The following DOCK2 variants were observed in gnomAD, a reference collection of about 807,000 sequenced individuals.
DOCK2 encodes dedicator of cytokinesis 2, also known as dedicator of cytokinesis protein 2.
Under a neutral mutation model 248.9 loss-of-function variants are expected in DOCK2, and 87 were observed. The ratio of observed to expected loss-of-function variants is 0.35; its 90% confidence interval spans 0.29 to 0.42. The LOEUF is 0.42. Among genes scored for constraint, DOCK2 ranks in the 10% least tolerant of loss-of-function variants. DOCK2 has a pLI of 1.00. For synonymous variants in DOCK2, 805 were observed against 821.6 expected, an observed-to-expected ratio of 0.98 and a Z score of 0.35; for missense variants, 1,747 against 2,300.2, an observed-to-expected ratio of 0.76 and a Z score of 4.92.
intron 27 of DOCK2, among the ~76,000 whole-genome samples, chr5:169,850,478 C>T (rs188698271): frequency 6.6e-6 from 1 of 151,838 alleles, no homozygotes; most frequent in Admixed American, 6.6e-5. Context: ...TATATGTGTA[C>T]CTGTTTGTGT....
intron 33 of DOCK2, among the ~76,000 whole-genome samples, chr5:170,022,832 G>C (rs1204235834): frequency 6.6e-6 from 1 of 152,154 alleles, no homozygotes; most frequent in Non-Finnish European, 1.5e-5. Context: ...AGATGCACGT[G>C]GTGGGCACAA....
rs981220389 is a variant in DOCK2, at chr5:169,637,299, C to A, written c.-28C>A. Reference sequence around the variant, plus strand: ...CAGCCACCCCCTGACGGCTTCCCCACGGGAGGACGCGAGGCCCCGGCCCAG... The same window carrying A: ...CAGCCACCCCCTGACGGCTTCCCCAAGGGAGGACGCGAGGCCCCGGCCCAG... On this transcript the variant is annotated 5_prime_UTR_variant, in exon 1 of 52. Coordinates refer to ENST00000520908, the MANE Select transcript of DOCK2 (RefSeq NM_004946.3). The A allele has an allele frequency of 1.4e-6, 2 of 1,429,150 alleles. No individual in the cohort carries two copies. The highest frequency in any genetic ancestry group is 1.5e-5 in the African/African-American group (1 of 67,072). 88.5% of individuals were successfully genotyped at this position (1,429,150 alleles called of 1,614,324 possible).
At position 170,083,002 on chromosome 5, in the gene DOCK2, C is replaced by A; in HGVS notation, c.*144C>A. 9.8e-7 allele frequency: 1 copy of A among 1,019,414 alleles called. No homozygotes were observed. The highest frequency in any genetic ancestry group is 1.5e-6 in the Non-Finnish European group (1 of 687,752). 63.1% of individuals were successfully genotyped at this position (1,019,414 alleles called of 1,614,324 possible). A position where few individuals can be genotyped will look rare whatever the true frequency, so the allele number is the denominator to read the frequency against. On this transcript the variant is annotated 3_prime_UTR_variant, in exon 52 of 52. Coordinates refer to ENST00000520908, the MANE Select transcript of DOCK2 (RefSeq NM_004946.3). ...ACTTAGAGGAGACAGAGAGGCCAAT[C>A]AGGTCCCAGAGCTTGAATGCTAACA...
At chr5:170,082,716 G>C in intron 51 of DOCK2, 80 bp from the exon 52 acceptor site, 1 of 1,566,200 alleles carries the variant, frequency 6.4e-7, no homozygotes. Flanking sequence ...AGGCCCTTGT[G>C]ATTAGGACTG....
intron 2 of DOCK2, among the ~76,000 whole-genome samples, chr5:169,665,598 C>T (rs1008628549): frequency 5.9e-5 from 9 of 152,176 alleles, no homozygotes; most frequent in Non-Finnish European, 1.2e-4. Flanking sequence ...GTAGGTAACA[C>T]TTATCCTGAA....
In DOCK2 at chr5:170,079,094, G is replaced by A. The variant is rs1258610199; in HGVS notation, c.5114G>A (p.Ser1705Asn). Residue 1705 changes from serine (S) to asparagine (N), a missense_variant, in exon 49 of 52, where the codon AGC becomes AAC. By Grantham distance (46) the Ser-to-Asn change is conservative. Coordinates refer to ENST00000520908, the MANE Select transcript of DOCK2 (RefSeq NM_004946.3). ...AGGTCCAAGAAGAGGACAAAGAGAA[G>A]CAGCGTAGTTTTTGCGGATGAGAAA... ...LRRSKKRTKRSSVVFADEKAA... is the reference protein window; with the variant it reads ...LRRSKKRTKRNSVVFADEKAA... The A allele has an allele frequency of 1.9e-6, 3 of 1,614,136 alleles. No homozygotes were observed. The highest frequency in any genetic ancestry group is 2.5e-6 in the Non-Finnish European group (3 of 1,180,034).
At chr5:169,840,662 A>G in intron 26 of DOCK2, 95 bp from the exon 27 acceptor site, 1 of 1,029,704 alleles carries the variant, frequency 9.7e-7, no homozygotes, top group South Asian at 1.4e-5. Context: ...GGTGTTGAAG[A>G]TCACCATGTC....
chr5:169,812,379 C>T (rs1581227437), intron 26 of DOCK2, among the ~76,000 whole-genome samples: 1 of 152,210 alleles, frequency 6.6e-6, no homozygotes, highest in African/African-American at 2.4e-5. Flanking sequence ...GGAATACAAG[C>T]TCAGGGCTCC....
chr5:169,772,500 T>A (rs186805818), intron 25 of DOCK2, among the ~76,000 whole-genome samples: 19 of 152,346 alleles, frequency 1.2e-4, no homozygotes, highest in Non-Finnish European at 1.6e-4. Flanking sequence ...CTGCTTATTA[T>A]GCACTGGCAC....
At chr5:169,894,642 C>A (rs1773491880) in intron 27 of DOCK2, among the ~76,000 whole-genome samples, 1 of 152,196 alleles carries the variant, frequency 6.6e-6, no homozygotes, top group African/African-American at 2.4e-5. Flanking sequence ...AAGCGCATGA[C>A]TGCAGTGCCA....
chr5:170,068,282 G>A (rs1279913226), intron 45 of DOCK2, among the ~76,000 whole-genome samples: 1 of 152,130 alleles, frequency 6.6e-6, no homozygotes. Context: ...ATTATCCACT[G>A]GAAGGAAAAA....
intron 26 of DOCK2, among the ~76,000 whole-genome samples, chr5:169,804,481 TGTGTGC>T (rs1374664352): frequency 6.3e-5 from 4 of 63,832 alleles, no homozygotes; most frequent in African/African-American, 7.7e-5. Context: ...TGTGTGTGTG[TGTGTGC>T]GCGCGCGCGT....
chr5:169,813,441 G>A (rs978579515), intron 26 of DOCK2, among the ~76,000 whole-genome samples: 5 of 152,090 alleles, frequency 3.3e-5, no homozygotes, highest in African/African-American at 4.8e-5. Flanking sequence ...ATTGGAAAAC[G>A]TTGCATATAT....
intron 32 of DOCK2, among the ~76,000 whole-genome samples, chr5:170,012,524 C>T (rs1282097187): frequency 2.0e-5 from 3 of 152,168 alleles, no homozygotes; most frequent in Non-Finnish European, 4.4e-5. Context: ...AAGCTATAAT[C>T]TCAGGCTTGA....
At chr5:170,077,591 C>G in intron 47 of DOCK2, 119 bp from the exon 48 acceptor site, 1 of 1,442,304 alleles carries the variant, frequency 6.9e-7, no homozygotes, top group Non-Finnish European at 9.4e-7. Context: ...AACTTTTGTG[C>G]TGATGCTCCA....
intron 1 of DOCK2, among the ~76,000 whole-genome samples, chr5:169,647,222 C>T (rs1757517791): frequency 6.6e-6 from 1 of 152,156 alleles, no homozygotes; most frequent in Non-Finnish European, 1.5e-5. Context: ...TTCTTCAGCA[C>T]AGAGCAGGTG....
intron 27 of DOCK2, among the ~76,000 whole-genome samples, chr5:169,973,292 G>A (rs1321259368): frequency 6.6e-6 from 1 of 152,074 alleles, no homozygotes; most frequent in Admixed American, 6.6e-5. Flanking sequence ...ATTTCCACAG[G>A]GGGGTTTAAA....
chr5:169,653,875 C>T (rs563897164), intron 1 of DOCK2, among the ~76,000 whole-genome samples: 2 of 152,274 alleles, frequency 1.3e-5, no homozygotes, highest in Admixed American at 6.5e-5. Flanking sequence ...CTTTCTTTCT[C>T]ATAATAATTT....
intron 25 of DOCK2, among the ~76,000 whole-genome samples, chr5:169,794,855 G>C (rs547968592): frequency 6.6e-6 from 1 of 152,194 alleles, no homozygotes; most frequent in Non-Finnish European, 1.5e-5. Context: ...CCTGGGAGGC[G>C]AAGCTTGCAG....
Sources: allele counts gnomAD v4.1 joint callset (sites outside exome capture counted in the v4.1 genomes callset), GRCh38; gene constraint gnomAD v4.1.1; transcripts MANE v1.5; gene names NCBI Gene and HGNC (gene_info 2026-07-23, HGNC 2026-07-21).